CHUK: variants seen among roughly 807,000 people sequenced by gnomAD.
The protein encoded by CHUK is inhibitor of nuclear factor kappa-B kinase subunit alpha.
Under a neutral mutation model 104.8 loss-of-function variants are expected in CHUK, and 35 were observed. The observed-to-expected ratio is 0.33, with a 90% confidence interval of 0.26 to 0.44. CHUK has a LOEUF of 0.44. CHUK is among the 20% of genes least tolerant of loss of function. The pLI is 1.00. For synonymous variants in CHUK, 276 were observed against 291.9 expected, an observed-to-expected ratio of 0.95 and a Z score of 0.56; for missense variants, 663 against 902.7, an observed-to-expected ratio of 0.73 and a Z score of 3.40.
rs545245150 is a variant in CHUK, at chr10:100,205,677, C to A, written c.1232-478G>T. Among the ~76,000 whole-genome samples the A allele has an allele frequency of 3.4e-4, 52 of 152,308 alleles. 1 individual carries two copies. In the South Asian group the frequency reaches 8.5e-3, roughly 25 times the overall value. ...GTGTGATGGCTCACGCCTGTAATCC[C>A]AGCACTTTGGGAAGCCAAGGCGGGC... On this transcript the variant is annotated intron_variant, in intron 11 of 20. Coordinates refer to ENST00000370397, the MANE Select transcript of CHUK (RefSeq NM_001278.5).
At chr10:100,228,991 GCGCACA>G (rs1451942000) in intron 1 of CHUK, among the ~76,000 whole-genome samples, 1,795 of 114,952 alleles carry the variant, frequency 0.016, 41 homozygotes, top group African/African-American at 0.056. Flanking sequence ...GCGCGCGCGC[GCGCACA>G]CACACACACA....
intron 9 of CHUK, among the ~76,000 whole-genome samples, chr10:100,210,894 C>A (rs1845713618): frequency 6.6e-6 from 1 of 152,186 alleles, no homozygotes; most frequent in South Asian, 2.1e-4. Flanking sequence ...CGGACAGCCA[C>A]AGAGTTGGAC....
Position 100,219,285 on chromosome 10 carries a change from T to C in CHUK, c.549A>G (p.Gly183=). The change falls in exon 6 of 21, where the codon GGA becomes GGG. Residue 183 remains glycine, a synonymous_variant. Transcript: ENST00000370397. ...CAGGTCTCACCAGATACTGCAGTGT[T>C]CCCACAAAAGATGTACACAGACTTC... The part of the protein sequence containing the change: ...DQGSLCTSFV[G]TLQYLAPELF... 1 of 1,600,886 alleles carries C rather than the reference T, an allele frequency of 6.2e-7. No homozygotes were observed. Among genetic ancestry groups the C allele is most frequent in the Non-Finnish European group, 8.6e-7 (1 of 1,167,968 alleles).
intron 10 of CHUK, among the ~76,000 whole-genome samples, chr10:100,209,285 A>G (rs1357873363): frequency 6.6e-6 from 1 of 151,858 alleles, no homozygotes; most frequent in African/African-American, 2.4e-5. Context: ...AGAAATAAAA[A>G]CTCCCATCTC....
intron 3 of CHUK, among the ~76,000 whole-genome samples, 190 bp from the exon 4 acceptor site, chr10:100,222,371 A>G (rs1322069751): frequency 6.6e-6 from 1 of 152,236 alleles, no homozygotes; most frequent in Non-Finnish European, 1.5e-5. Context: ...ATAAAAGTAA[A>G]AAGAGGCAAA....
Position 100,229,580 on chromosome 10 carries a change from G to A in CHUK, c.-48C>T. ...CAGGTTCCACAGTTGTTCCAAGGCC[G>A]GTTCCGGGCCGCCGATGCTCGCGCG... On this transcript the variant is annotated 5_prime_UTR_variant, in exon 1 of 21. Coordinates refer to ENST00000370397, the MANE Select transcript of CHUK (RefSeq NM_001278.5). 10 of 1,199,498 alleles carry A rather than the reference G, an allele frequency of 8.3e-6. No homozygotes were observed. Among genetic ancestry groups the A allele is most frequent in the Non-Finnish European group, 1.2e-5 (10 of 860,304 alleles). The allele number at this position is 1,199,498 out of a possible 1,614,324, so 74.3% of individuals were successfully genotyped here. A position where few individuals can be genotyped will look rare whatever the true frequency, so the allele number is the denominator to read the frequency against.
Position 100,190,899 on chromosome 10 carries a change from C to A in CHUK, c.2178G>T (p.Glu726Asp), listed in dbSNP as rs1025054898. The change falls in exon 20 of 21, where the codon GAG becomes GAT. Residue 726 changes from glutamate to aspartate, a missense_variant. Glu to Asp is a conservative substitution (Grantham distance 45). Coordinates refer to ENST00000370397, the MANE Select transcript of CHUK (RefSeq NM_001278.5). ...TACTATTGCCCTGTTCCTCATTTGC[C>A]TCATGAATAATAGTGCTTAAATGGC... ...CLGHLSTIIHEANEEQGNSMM... is the reference protein window; with the variant it reads ...CLGHLSTIIHDANEEQGNSMM... The A allele has an allele frequency of 9.9e-6, 16 of 1,611,404 alleles. No homozygotes were observed. The highest frequency in any genetic ancestry group is 1.3e-5 in the Non-Finnish European group (15 of 1,177,456).
intron 4 of CHUK, 61 bp from the exon 5 acceptor site, chr10:100,220,737 C>T: frequency 9.3e-7 from 1 of 1,075,732 alleles, no homozygotes; most frequent in Non-Finnish European, 1.4e-6. Flanking sequence ...AAGAAAAATT[C>T]ACCTCACATT....
In CHUK at chr10:100,229,519, G is replaced by C; in HGVS notation, c.14C>G (p.Pro5Arg). 6.5e-7 allele frequency: 1 copy of C among 1,548,634 alleles called. No homozygotes were observed. The highest frequency in any genetic ancestry group is 8.7e-7 in the Non-Finnish European group (1 of 1,151,448). The change falls in exon 1 of 21, where the codon CCG (proline) becomes CGG (arginine). Residue 5 changes from proline (P) to arginine (R), a missense_variant. Around this residue, in one of 5 missense-constraint regions of CHUK, gnomAD observed 44 missense variants for 39.2 expected, o/e 1.12. Transcript: ENST00000370397. ...CCCGCCCGCGCCCGGCCGCAGCCCC[G>C]GGGGCCGCTCCATGGGGCGGGAGGG... is the stretch of plus-strand genomic sequence containing the variant. The part of the protein sequence containing the change: MERP[P>R]GLRPGAGGPW...
intron 13 of CHUK, 32 bp downstream of exon 13, chr10:100,204,474 G>A (rs762474511): frequency 1.7e-5 from 27 of 1,596,620 alleles, no homozygotes; most frequent in South Asian, 5.5e-5. Flanking sequence ...GAAACCAGAT[G>A]CTCCTTTCAA....
intron 7 of CHUK, 67 bp downstream of exon 7, chr10:100,218,941 A>G: frequency 6.3e-7 from 1 of 1,589,368 alleles, no homozygotes; most frequent in Non-Finnish European, 8.6e-7. Flanking sequence ...TAAAGAAAGA[A>G]AAAAAAAGAC....
intron 2 of CHUK, among the ~76,000 whole-genome samples, chr10:100,225,200 A>C (rs1265335826): frequency 6.6e-6 from 1 of 152,166 alleles, no homozygotes; most frequent in Non-Finnish European, 1.5e-5. Context: ...ACTGCACAAA[A>C]CTGTTTAATT....
At position 100,188,825 on chromosome 10, in the gene CHUK, T is replaced by G. The variant is rs1845130120; in HGVS notation, c.*773A>C. 6.6e-6 allele frequency: 1 copy of G among 152,220 alleles called. No homozygotes were observed. The allele number at this position is 152,220 out of a possible 1,614,324, so 9.4% of individuals were successfully genotyped here. On this transcript the variant is annotated 3_prime_UTR_variant, in exon 21 of 21. Coordinates refer to ENST00000370397, the MANE Select transcript of CHUK (RefSeq NM_001278.5). ...GTATGACAAGACATGAAAGATTGTT[T>G]AAACAAATGACTCATTTTTACAAAT...
At chr10:100,196,285 T>G (rs1263066501) in intron 16 of CHUK, among the ~76,000 whole-genome samples, 2 of 152,120 alleles carry the variant, frequency 1.3e-5, no homozygotes, top group Non-Finnish European at 2.9e-5. Flanking sequence ...ATCTGCTCTA[T>G]CAGTTCCTGT....
chr10:100,190,241 A>G, intron 20 of CHUK: 1 of 154,778 alleles, frequency 6.5e-6, no homozygotes, highest in Non-Finnish European at 1.4e-5. Context: ...GGCTAGTCTC[A>G]AACTCCTGGG....
At chr10:100,215,297 C>T (rs1227206916) in intron 9 of CHUK, among the ~76,000 whole-genome samples, 1 of 151,108 alleles carries the variant, frequency 6.6e-6, no homozygotes, top group Non-Finnish European at 1.5e-5. Flanking sequence ...GTTGTAAGTG[C>T]CAGTGGAACA....
intron 3 of CHUK, among the ~76,000 whole-genome samples, chr10:100,222,646 A>C (rs1237427624): frequency 1.3e-5 from 2 of 152,206 alleles, no homozygotes; most frequent in African/African-American, 4.8e-5. Context: ...CAAGTCACAT[A>C]GTCTCTGTTA....
chr10:100,211,173 C>G lies in CHUK; in HGVS notation c.934-1384G>C, dbSNP rs17883748. 3.0e-3 allele frequency among the ~76,000 whole-genome samples: 456 copies of G among 152,300 alleles called. 4 individuals are homozygous for G. The highest frequency in any genetic ancestry group is 0.011 in the African/African-American group (445 of 41,566). ...AACAGTACAATAAGCCCCCTCCCAACCCTGTGAATGCCTCACCTAGTTTCA... is the reference window on the plus strand; with the variant it reads ...AACAGTACAATAAGCCCCCTCCCAAGCCTGTGAATGCCTCACCTAGTTTCA... On this transcript the variant is annotated intron_variant, in intron 9 of 20. Coordinates refer to ENST00000370397, the MANE Select transcript of CHUK (RefSeq NM_001278.5).
Position 100,188,357 on chromosome 10 carries a change from A to G in CHUK, c.*1241T>C, listed in dbSNP as rs1441797313. On this transcript the variant is annotated 3_prime_UTR_variant, in exon 21 of 21. Transcript: ENST00000370397. ...AATCTGATTTTTATAATGAATAGAGATCAAGAAAGTAATTTAAAAACCATT... is the reference window on the plus strand; with the variant it reads ...AATCTGATTTTTATAATGAATAGAGGTCAAGAAAGTAATTTAAAAACCATT... 1 of 152,650 alleles carries G rather than the reference A, an allele frequency of 6.6e-6. No homozygotes were observed. Among genetic ancestry groups the G allele is most frequent in the Non-Finnish European group, 1.5e-5 (1 of 68,042 alleles). 9.5% of individuals were successfully genotyped at this position (152,650 alleles called of 1,614,324 possible). A position where few individuals can be genotyped will look rare whatever the true frequency, so the allele number is the denominator to read the frequency against.
Sources: allele counts gnomAD v4.1 joint callset (sites outside exome capture counted in the v4.1 genomes callset), GRCh38; gene constraint gnomAD v4.1.1; regional missense constraint gnomAD v4.1.1; transcripts MANE v1.5; gene names NCBI Gene and HGNC (gene_info 2026-07-23, HGNC 2026-07-21).